Variants in EXTL3 observed in about 807,000 individuals in gnomAD.
The protein encoded by EXTL3 is exostosin-like 3.
A neutral mutation model predicts 69.3 loss-of-function variants in EXTL3; 27 were observed. That is an observed-to-expected ratio of 0.39 (90% CI 0.29 to 0.54). The LOEUF is 0.54. Among genes scored for constraint, EXTL3 ranks in the 20% least tolerant of loss-of-function variants. The pLI is 0.69. For synonymous variants in EXTL3, 511 were observed against 499.4 expected (o/e 1.02, Z -0.31); for missense variants, 1,003 against 1,231.8 (o/e 0.81, Z 2.78).
chr8:28,656,335 T>C (rs576045517), intron 1 of EXTL3, among the ~76,000 whole-genome samples: 1 of 152,224 alleles, frequency 6.6e-6, no homozygotes, highest in East Asian at 1.9e-4. Flanking sequence ...CACACCCGGC[T>C]AATTTTTGTA....
intron 1 of EXTL3, among the ~76,000 whole-genome samples, chr8:28,629,598 G>A: frequency 6.6e-6 from 1 of 152,098 alleles, no homozygotes; most frequent in East Asian, 1.9e-4. Flanking sequence ...GGCCCCTCGG[G>A]AATAGGTAGA....
At chr8:28,618,948 C>T (rs558860560), upstream of EXTL3, among the ~76,000 whole-genome samples, 5 of 151,542 alleles carry the variant, frequency 3.3e-5, no homozygotes, top group South Asian at 6.3e-4. Context: ...AAAAATTAGC[C>T]GGGCGTGGCA....
At position 28,613,815 on chromosome 8, in the gene EXTL3, CTT is replaced by C. The variant is rs532653651; in HGVS notation, n.314+6062_314+6063del. 2.9e-3 allele frequency among the ~76,000 whole-genome samples: 439 copies of C among 150,910 alleles called. 1 individual carries two copies. Among genetic ancestry groups the C allele is most frequent in the African/African-American group, 0.01 (422 of 41,140 alleles). On this transcript the variant is annotated intron_variant and non_coding_transcript_variant, in intron 2 of 4. Coordinates refer to the EXTL3 transcript ENST00000522725. ...CATAGGATCAGTAGTGATGGCCTCT[CTT>C]TTTTAGCCTATTAGCCTAGTCACAG...
At chr8:28,610,189 C>G (rs1279871189) in intron 2 of EXTL3, among the ~76,000 whole-genome samples, 2 of 149,286 alleles carry the variant, frequency 1.3e-5, no homozygotes, top group South Asian at 4.2e-4. Flanking sequence ...AGCGACAGAG[C>G]GAGACTCCAT....
intron 1 of EXTL3, among the ~76,000 whole-genome samples, chr8:28,626,769 T>C (rs996798213): frequency 6.6e-6 from 1 of 152,198 alleles, no homozygotes; most frequent in African/African-American, 2.4e-5. Flanking sequence ...GAACAGCAGA[T>C]TGGTCCTTGC....
chr8:28,691,572 A>ATT lies in EXTL3; in HGVS notation c.-52-21874_-52-21873dup, dbSNP rs71222571. ...TGGTAAATATTTATCAGTTTTTGTG[A>ATT]TTTTTTTTTTTTGCTATTGTGTTCC... is the stretch of plus-strand genomic sequence containing the variant. On this transcript the variant is annotated intron_variant, in intron 1 of 6. Coordinates refer to the EXTL3 transcript ENST00000523149. Among the ~76,000 whole-genome samples, 57 of 135,470 alleles carry ATT rather than the reference A, an allele frequency of 4.2e-4. 2 individuals carry two copies. Among genetic ancestry groups the ATT allele is most frequent in the East Asian group, 8.0e-4 (4 of 4,976 alleles). 88.9% of individuals were successfully genotyped at this position (135,470 alleles called of 152,430 possible). A position where few individuals can be genotyped will look rare whatever the true frequency, so the allele number is the denominator to read the frequency against.
intron 1 of EXTL3, among the ~76,000 whole-genome samples, chr8:28,647,605 G>A (rs997979424): frequency 1.3e-3 from 204 of 152,138 alleles, no homozygotes; most frequent in African/African-American, 4.7e-3. Flanking sequence ...TAAAGTTCAC[G>A]CCTGATCCCT....
In EXTL3 at chr8:28,716,844, C is replaced by T. The variant is rs1563214974; in HGVS notation, c.785C>T (p.Ser262Phe). The change falls in exon 3 of 7, where the codon TCC becomes TTC. Residue 262 changes from serine (S) to phenylalanine (F), a missense_variant. By Grantham distance (155) the Ser-to-Phe change is radical. Around this residue, in one of 2 missense-constraint regions of EXTL3, gnomAD observed 742 missense variants for 815.4 expected, o/e 0.91. Coordinates refer to ENST00000220562, the MANE Select transcript of EXTL3 (RefSeq NM_001440.4). This position sits in a 1 kb window ranked among gnomAD's most constrained non-coding sequence, Gnocchi z 7.1. ...GCTGAGCTGGAGAAGCAGTTGTATT[C>T]CCTGCCACACTGGCGGACGGATGGA... Reference protein sequence around the residue: ...RPAELEKQLYSLPHWRTDGHN... With the variant: ...RPAELEKQLYFLPHWRTDGHN... 1.9e-6 allele frequency: 3 copies of T among 1,614,178 alleles called. No homozygotes were observed. The highest frequency in any genetic ancestry group is 2.5e-6 in the Non-Finnish European group (3 of 1,180,036).
chr8:28,749,932 G>T (rs911988514), intron 6 of EXTL3, among the ~76,000 whole-genome samples: 1 of 152,182 alleles, frequency 6.6e-6, no homozygotes, highest in Non-Finnish European at 1.5e-5. Context: ...GGGCTCAAGC[G>T]ATCTTCCTGC....
intron 1 of EXTL3, among the ~76,000 whole-genome samples, chr8:28,708,728 T>C (rs1800971715): frequency 6.6e-6 from 1 of 152,192 alleles, no homozygotes; most frequent in Non-Finnish European, 1.5e-5. Context: ...GACAGCAGCA[T>C]GCAGACAGCT....
rs949837977 is a variant in EXTL3, at chr8:28,725,411, A to G, written c.2149-5812A>G. Among the ~76,000 whole-genome samples, 9 of 152,122 alleles carry G rather than the reference A, an allele frequency of 5.9e-5. No individual in the cohort carries two copies. In the South Asian group the frequency reaches 1.5e-3, roughly 25 times the overall value. On this transcript the variant is annotated intron_variant, in intron 3 of 6. Transcript: ENST00000220562. ...GATGGAGGTGGATGGGTTTTTTGCTATAGAAAACTACACTAAATACTAAGA... is the reference window on the plus strand; with the variant it reads ...GATGGAGGTGGATGGGTTTTTTGCTGTAGAAAACTACACTAAATACTAAGA...
chr8:28,709,998 A>G (rs910076643), intron 1 of EXTL3, among the ~76,000 whole-genome samples: 1 of 152,214 alleles, frequency 6.6e-6, no homozygotes, highest in Non-Finnish European at 1.5e-5. Context: ...GAGCTAGCAG[A>G]TGGCGACTTC....
Position 28,715,992 on chromosome 8 carries a change from G to A in EXTL3, c.-68G>A. On this transcript the variant is annotated 5_prime_UTR_variant, in exon 3 of 7. It adds an upstream start codon to the 5' untranslated region. Transcript: ENST00000220562. ...GTGTCAGTGAAACAGAGATCGTTTT[G>A]TGGAATAGCAACCCATGGTTATGGC... The A allele has an allele frequency of 7.6e-7, 1 of 1,315,860 alleles. No individual in the cohort carries two copies. Among genetic ancestry groups the A allele is most frequent in the South Asian group, 1.3e-5 (1 of 77,986 alleles). The allele number at this position is 1,315,860 out of a possible 1,614,324, so 81.5% of individuals were successfully genotyped here.
chr8:28,677,755 C>T (rs910381678), intron 1 of EXTL3, among the ~76,000 whole-genome samples: 1 of 152,212 alleles, frequency 6.6e-6, no homozygotes, highest in Admixed American at 6.5e-5. Context: ...ACACAACCAC[C>T]CCAATAATAG....
In EXTL3 at chr8:28,623,101, G is replaced by A. The variant is rs1201996274; in HGVS notation, c.-53+291G>A. 6.6e-6 allele frequency among the ~76,000 whole-genome samples: 1 copy of A among 152,080 alleles called. No individual in the cohort carries two copies. The highest frequency in any genetic ancestry group is 1.5e-5 in the Non-Finnish European group (1 of 68,006). ...TGAACTCCGGGGTGGGCTGGGCTGG[G>A]TTTCTACAGAGGCGGGAATTTGTGA... On this transcript the variant is annotated intron_variant, in intron 1 of 6. Coordinates refer to the EXTL3 transcript ENST00000523149. The surrounding 1 kb of genome is among the most constrained non-coding windows in gnomAD (Gnocchi z 4.2).
At chr8:28,747,760 G>A (rs1469475837) in intron 6 of EXTL3, among the ~76,000 whole-genome samples, 3 of 130,640 alleles carry the variant, frequency 2.3e-5, no homozygotes, top group Admixed American at 9.1e-5. Context: ...ATGGAGCCTC[G>A]CTCTGTCACC....
intron 1 of EXTL3, among the ~76,000 whole-genome samples, chr8:28,630,020 A>G (rs1432266637): frequency 2.0e-5 from 3 of 152,224 alleles, no homozygotes; most frequent in Admixed American, 6.5e-5. Flanking sequence ...ACGATGATGC[A>G]TAAAGGTAGA....
chr8:28,686,248 T>C (rs1807575116), intron 1 of EXTL3, among the ~76,000 whole-genome samples: 1 of 151,960 alleles, frequency 6.6e-6, no homozygotes, highest in Admixed American at 6.6e-5. Flanking sequence ...TCCCAGCATT[T>C]TGGGAGGCTG....
At position 28,717,968 on chromosome 8, in the gene EXTL3, C is replaced by T. The variant is rs777350737; in HGVS notation, c.1909C>T (p.Arg637Trp). 1.5e-5 allele frequency: 24 copies of T among 1,614,010 alleles called. No homozygotes were observed. Among genetic ancestry groups the T allele is most frequent in the South Asian group, 2.2e-5 (2 of 91,076 alleles). Residue 637 changes from arginine (R) to tryptophan (W), a missense_variant, in exon 3 of 7, where the codon CGG becomes TGG. Physicochemically the swap from Arg to Trp is moderately radical, Grantham distance 101. Around this residue, in one of 2 missense-constraint regions of EXTL3, gnomAD observed 261 missense variants for 416.4 expected, o/e 0.63. Coordinates refer to ENST00000220562, the MANE Select transcript of EXTL3 (RefSeq NM_001440.4). The surrounding 1 kb of genome is among the most constrained non-coding windows in gnomAD (Gnocchi z 8.3). ...ATTCTTGGGCTCAGGGACTGGCTTT[C>T]GGCCTATTGGTGGTGGAGCTGGGGG... ...AKFLGSGTGF[R>W]PIGGGAGGSG... is the part of the protein sequence containing the mutation.
Sources: allele counts gnomAD v4.1 joint callset (sites outside exome capture counted in the v4.1 genomes callset), GRCh38; gene constraint gnomAD v4.1.1; regional missense constraint gnomAD v4.1.1; non-coding constraint Gnocchi (gnomAD v3.1); transcripts MANE v1.5; gene names NCBI Gene and HGNC (gene_info 2026-07-23, HGNC 2026-07-21).